Variants in TBCD observed in about 807,000 individuals in gnomAD.
The protein encoded by TBCD is tubulin folding cofactor D.
A neutral mutation model predicts 169.3 loss-of-function variants in TBCD; 105 were observed. That is an observed-to-expected ratio of 0.62 (90% CI 0.53 to 0.73). The LOEUF is 0.73. Ranked by LOEUF, TBCD falls within the 30% of genes least tolerant of loss-of-function variation. The probability of loss-of-function intolerance (pLI) is 0.00; values close to 1 mark genes in which losing one functional copy is unlikely to be tolerated. For synonymous variants in TBCD, 700 were observed against 643.9 expected, an observed-to-expected ratio of 1.09 and a Z score of -1.32; for missense variants, 1,444 against 1,600.1, an observed-to-expected ratio of 0.90 and a Z score of 1.66.
rs552551536 is a variant in TBCD, at chr17:82,877,401, A to G, written c.1476-6744A>G. 6.2e-3 allele frequency among the ~76,000 whole-genome samples: 940 copies of G among 152,122 alleles called. 4 individuals carry two copies. Among genetic ancestry groups the G allele is most frequent in the Middle Eastern group, 0.02 (6 of 294 alleles). ...TCCTCTGTCGCCCAGGCTGGAGTGC[A>G]GTGGTGCGATCTTGGCTCACTGCAA... is the stretch of plus-strand genomic sequence containing the variant. On this transcript the variant is annotated intron_variant, in intron 14 of 38. Transcript: ENST00000355528.
chr17:82,876,792 G>C (rs74716708), intron 14 of TBCD, among the ~76,000 whole-genome samples: 2,882 of 152,322 alleles, frequency 0.019, 52 homozygotes, highest in Non-Finnish European at 0.029. Flanking sequence ...AGCCAGCTTC[G>C]TTGAAGTGGG....
chr17:82,832,052 C>T lies in TBCD; in HGVS notation c.1318+17118C>T, dbSNP rs2053568937. 1 of 1,613,694 alleles carries T rather than the reference C, an allele frequency of 6.2e-7. No homozygotes were observed. Among genetic ancestry groups the T allele is most frequent in the Admixed American group, 1.7e-5 (1 of 59,992 alleles). On this transcript the variant is annotated intron_variant, in intron 13 of 38. Coordinates refer to ENST00000355528, the MANE Select transcript of TBCD (RefSeq NM_005993.5). This position sits in a 1 kb window ranked among gnomAD's most constrained non-coding sequence, Gnocchi z 4.9. The stretch of plus-strand genomic sequence containing the variant: ...GGAGCTGGGCTCTTGCAGGGTGATG[C>T]CCTGTGGAGGGCTGGCTTCTGTCCC...
rs1304480673 is a variant in TBCD at position 82,758,449 on chromosome 17, C to T, written c.235+2234C>T. Among the ~76,000 whole-genome samples, 5 of 142,002 alleles carry T rather than the reference C, an allele frequency of 3.5e-5. No homozygotes were observed. The East Asian group carries it at 8.1e-4, about 23-fold the overall frequency. The allele number at this position is 142,002 out of a possible 152,430, so 93.2% of individuals were successfully genotyped here. ...TTTTTTTGTAGAGAAGGGGTCTTGC[C>T]GTGTTGCCCAGGCTGGTCTCATACC... On this transcript the variant is annotated intron_variant, in intron 2 of 38. Coordinates refer to ENST00000355528, the MANE Select transcript of TBCD (RefSeq NM_005993.5).
intron 23 of TBCD, chr17:82,914,255 G>A: frequency 6.6e-6 from 1 of 152,592 alleles, no homozygotes; most frequent in Non-Finnish European, 1.5e-5. Context: ...AAGGATGGTG[G>A]AGGGCTGTGG....
intron 13 of TBCD, among the ~76,000 whole-genome samples, chr17:82,846,812 T>C (rs1481993586): frequency 2.0e-5 from 3 of 152,184 alleles, no homozygotes; most frequent in South Asian, 4.1e-4. Context: ...AGAGCGCAGC[T>C]GAGAAGGGGC....
chr17:82,908,299 G>T (rs758183659), intron 21 of TBCD: 44 of 456,976 alleles, frequency 9.6e-5, no homozygotes, highest in Admixed American at 4.7e-4. Flanking sequence ...GTTTCCAGCC[G>T]TGCATCTGCA....
chr17:82,876,903 C>T (rs2058016673), intron 14 of TBCD: 17 of 961,566 alleles, frequency 1.8e-5, no homozygotes, highest in Non-Finnish European at 2.0e-5. Context: ...CCTGCGTCTC[C>T]TGCTGTCAGC....
intron 35 of TBCD, 59 bp downstream of exon 35, chr17:82,937,419 G>C: frequency 6.7e-7 from 1 of 1,488,418 alleles, no homozygotes. Context: ...TCCCTTGGCT[G>C]AGGGCAGGAG....
At chr17:82,758,110 C>T (rs868768157) in intron 2 of TBCD, among the ~76,000 whole-genome samples, 7 of 151,618 alleles carry the variant, frequency 4.6e-5, no homozygotes, top group African/African-American at 1.5e-4. Context: ...TGTTTTTCGC[C>T]GGGTGTGGTG....
chr17:82,941,186 GTCC>G (rs1044508395), intron 37 of TBCD, among the ~76,000 whole-genome samples: 11 of 152,250 alleles, frequency 7.2e-5, no homozygotes, highest in African/African-American at 2.4e-4. Context: ...GGAAGGAACC[GTCC>G]TCCTGCGATT....
intron 35 of TBCD, chr17:82,937,674 T>TG (rs1568098912): frequency 3.3e-6 from 2 of 611,878 alleles, no homozygotes; most frequent in Non-Finnish European, 5.7e-6. Flanking sequence ...CTGTGTGCCC[T>TG]GGGGGTCGCT....
In TBCD at chr17:82,831,642, G is replaced by T. The variant is rs2053522475; in HGVS notation, c.1318+16708G>T. 1 of 1,614,182 alleles carries T rather than the reference G, an allele frequency of 6.2e-7. No individual in the cohort carries two copies. Among genetic ancestry groups the T allele is most frequent in the African/African-American group, 1.3e-5 (1 of 75,042 alleles). ...CTTGGGTTCCGTAGACTGACAGCAGGGGTGCGTCACACTCAGGCGAGCTCC... is the reference window on the plus strand; with the variant it reads ...CTTGGGTTCCGTAGACTGACAGCAGTGGTGCGTCACACTCAGGCGAGCTCC... On this transcript the variant is annotated intron_variant, in intron 13 of 38. Coordinates refer to ENST00000355528, the MANE Select transcript of TBCD (RefSeq NM_005993.5). The surrounding 1 kb of genome is among the most constrained non-coding windows in gnomAD (Gnocchi z 4.6).
intron 34 of TBCD, among the ~76,000 whole-genome samples, chr17:82,936,681 G>A (rs1401655580): frequency 6.6e-6 from 1 of 152,218 alleles, no homozygotes; most frequent in Non-Finnish European, 1.5e-5. Context: ...GGCCTGTTGG[G>A]TGGCTGGAGC....
intron 6 of TBCD, among the ~76,000 whole-genome samples, chr17:82,780,645 CTT>C (rs36145167): frequency 3.8e-5 from 4 of 104,720 alleles, no homozygotes; most frequent in African/African-American, 3.7e-5. Context: ...AAGACTTGGG[CTT>C]TTTTTTTTTT....
intron 20 of TBCD, 96 bp downstream of exon 20, chr17:82,906,149 T>A: frequency 1.0e-6 from 1 of 973,508 alleles, no homozygotes; most frequent in Non-Finnish European, 1.5e-6. Flanking sequence ...CTCTCATCCC[T>A]TCTCATTTTT....
chr17:82,782,697 GCGTCCTCCTGTCCGTGGCGT>G lies in TBCD; in HGVS notation c.771+991_771+1010del, dbSNP rs1341776790. On this transcript the variant is annotated intron_variant, in intron 7 of 38. Transcript: ENST00000355528. The surrounding 1 kb of genome is among the most constrained non-coding windows in gnomAD (Gnocchi z 5.1). ...AGATGATGAGTGCCACCTCGCCACGGCGTCCTCCTGTCCGTGGCGTCGTCCTCCTGTCCGCAGCATCGTCT... is the reference window on the plus strand; with the variant it reads ...AGATGATGAGTGCCACCTCGCCACGGCGTCCTCCTGTCCGCAGCATCGTCT... Among the ~76,000 whole-genome samples the G allele has an allele frequency of 2.6e-5, 4 of 152,092 alleles. No individual in the cohort carries two copies. The highest frequency in any genetic ancestry group is 5.9e-5 in the Non-Finnish European group (4 of 68,008).
rs2050956266 is a variant in TBCD at position 82,806,271 on chromosome 17, C to T, written c.1087+260C>T. Among the ~76,000 whole-genome samples the T allele has an allele frequency of 6.6e-6, 1 of 152,164 alleles. No homozygotes were observed. The highest frequency in any genetic ancestry group is 2.4e-5 in the African/African-American group (1 of 41,428). ...TCCTTCCTGACCTGGGCTGCCTGTTCTGGGCAGCTGGGTGTGTCCTCAGGA... is the reference window on the plus strand; with the variant it reads ...TCCTTCCTGACCTGGGCTGCCTGTTTTGGGCAGCTGGGTGTGTCCTCAGGA... On this transcript the variant is annotated intron_variant, in intron 10 of 38. Transcript: ENST00000355528. This position sits in a 1 kb window ranked among gnomAD's most constrained non-coding sequence, Gnocchi z 5.1.
rs753508152 is a variant in TBCD, at chr17:82,930,482, C to T, written c.2992-40C>T. The T allele has an allele frequency of 3.1e-5, 50 of 1,602,458 alleles. No individual in the cohort carries two copies. Among genetic ancestry groups the T allele is most frequent in the Middle Eastern group, 3.4e-4 (2 of 5,886 alleles). ...AGCCAAGCCTGAGGGGTGGCAGGCT[C>T]GGGGGTCCCACTGCCTTCTGAGGTG... On this transcript the variant is annotated intron_variant, in intron 32 of 38. Transcript: ENST00000355528. The surrounding 1 kb of genome is among the most constrained non-coding windows in gnomAD (Gnocchi z 5.2).
intron 13 of TBCD, among the ~76,000 whole-genome samples, chr17:82,861,984 G>A (rs1264273839): frequency 2.6e-5 from 4 of 151,462 alleles, no homozygotes; most frequent in African/African-American, 9.7e-5. Context: ...GTGCAGTGGC[G>A]CGATCTCGGC....
Sources: allele counts gnomAD v4.1 joint callset (sites outside exome capture counted in the v4.1 genomes callset), GRCh38; gene constraint gnomAD v4.1.1; non-coding constraint Gnocchi (gnomAD v3.1); transcripts MANE v1.5; gene names NCBI Gene and HGNC (gene_info 2026-07-23, HGNC 2026-07-21).